Variants in MAP3K1 observed in about 807,000 individuals in gnomAD.
MAP3K1 encodes MAP/ERK kinase kinase 1.
MAP3K1 carries 36 observed loss-of-function variants against 144.2 expected under a neutral mutation model. The ratio of observed to expected loss-of-function variants is 0.25; its 90% CI spans 0.19 to 0.33. MAP3K1 has a LOEUF of 0.33. Among genes scored for constraint, MAP3K1 ranks in the 10% least tolerant of loss-of-function variants. The pLI is 1.00. For synonymous variants in MAP3K1, 718 were observed against 688.7 expected (o/e 1.04, Z -0.67); for missense variants, 1,650 against 1,881.9 (o/e 0.88, Z 2.28).
intron 3 of MAP3K1, among the ~76,000 whole-genome samples, chr5:56,860,881 C>T (rs921529401): frequency 9.2e-5 from 14 of 151,718 alleles, no homozygotes; most frequent in African/African-American, 2.9e-4. Context: ...AGAAAAGCAA[C>T]TTAAGTATTT....
At chr5:56,873,912 A>G (rs976591733) in intron 9 of MAP3K1, among the ~76,000 whole-genome samples, 16 of 152,206 alleles carry the variant, frequency 1.1e-4, no homozygotes, top group East Asian at 1.9e-4. Flanking sequence ...TTAATGAACT[A>G]TTAATGAACA....
chr5:56,815,813 T>C lies in MAP3K1; in HGVS notation c.240T>C (p.Leu80=). ...LDQLPEQPLF[L]AASPPASSTS... Reference sequence around the variant, plus strand: ...AGCTGCCTGAGCAGCCGCTCTTCCTTGCCGCCTCACCGCCGGCCTCCTCGA... The same window carrying C: ...AGCTGCCTGAGCAGCCGCTCTTCCTCGCCGCCTCACCGCCGGCCTCCTCGA... Residue 80 remains leucine, a synonymous_variant, in exon 1 of 20, where the codon CTT becomes CTC. Coordinates refer to ENST00000399503, the MANE Select transcript of MAP3K1 (RefSeq NM_005921.2). 8 of 1,422,454 alleles carry C rather than the reference T, an allele frequency of 5.6e-6. No homozygotes were observed. Among genetic ancestry groups the C allele is most frequent in the Non-Finnish European group, 7.4e-6 (8 of 1,084,982 alleles). 88.1% of individuals were successfully genotyped at this position (1,422,454 alleles called of 1,614,324 possible). A position where few individuals can be genotyped will look rare whatever the true frequency, so the allele number is the denominator to read the frequency against.
chr5:56,873,847 A>G (rs142798615), intron 9 of MAP3K1, among the ~76,000 whole-genome samples: 3 of 152,200 alleles, frequency 2.0e-5, no homozygotes, highest in Non-Finnish European at 2.9e-5. Context: ...TTATGAATCT[A>G]ATAAAATCTG....
In MAP3K1 at chr5:56,859,919, AGTTAAT is replaced by A. The variant is rs1351975927; in HGVS notation, c.834+9_834+14del. 6.2e-7 allele frequency: 1 copy of A among 1,602,696 alleles called. No individual in the cohort carries two copies. Among genetic ancestry groups the A allele is most frequent in the Non-Finnish European group, 8.5e-7 (1 of 1,172,092 alleles). ...AAAAAGAGTTTCCCCAGTGCCTGTA[AGTTAAT>A]GTTACAACAAATATGTTAGTTTTTA... is the stretch of plus-strand genomic sequence containing the variant. On this transcript the variant is annotated splice_donor_5th_base_variant and intron_variant, in intron 3 of 19. Coordinates refer to ENST00000399503, the MANE Select transcript of MAP3K1 (RefSeq NM_005921.2).
At chr5:56,878,526 A>G (rs1045644013) in intron 10 of MAP3K1, among the ~76,000 whole-genome samples, 4 of 152,128 alleles carry the variant, frequency 2.6e-5, no homozygotes, top group Non-Finnish European at 4.4e-5. Context: ...TTATTCTATA[A>G]AGAAGAGCTT....
Position 56,879,111 on chromosome 5 carries a change from T to TTTGAAGTG in MAP3K1, c.2087+10_2087+11insTTGAAGTG. 9 of 1,613,754 alleles carry TTTGAAGTG rather than the reference T, an allele frequency of 5.6e-6. No individual in the cohort carries two copies. The highest frequency in any genetic ancestry group is 5.9e-6 in the Non-Finnish European group (7 of 1,179,794). On this transcript the variant is annotated intron_variant, in intron 11 of 19. Transcript: ENST00000399503. ...GTGCAGATGCCAATAGGTAAGGCTT[T>TTTGAAGTG]ATTGATGAATCACTTCAAACCCTCT...
chr5:56,843,142 G>A (rs1324214268), intron 1 of MAP3K1, among the ~76,000 whole-genome samples: 5 of 152,134 alleles, frequency 3.3e-5, no homozygotes, highest in South Asian at 4.1e-4. Context: ...GATTTGATTC[G>A]TTTGGGTGGC....
chr5:56,857,537 A>G (rs889373197), intron 2 of MAP3K1, among the ~76,000 whole-genome samples: 2 of 152,220 alleles, frequency 1.3e-5, no homozygotes, highest in African/African-American at 4.8e-5. Context: ...AGCTTTGACA[A>G]GGGTCTAAAT....
chr5:56,861,006 G>A (rs529371085), intron 3 of MAP3K1, among the ~76,000 whole-genome samples: 1 of 152,272 alleles, frequency 6.6e-6, no homozygotes, highest in African/African-American at 2.4e-5. Flanking sequence ...TGATAAGATT[G>A]GTGATAACAA....
intron 1 of MAP3K1, among the ~76,000 whole-genome samples, chr5:56,854,306 G>T (rs374219541): frequency 3.9e-4 from 59 of 151,808 alleles, no homozygotes; most frequent in African/African-American, 1.4e-3. Flanking sequence ...GGTGGCACAT[G>T]CCTGTAATAC....
intron 17 of MAP3K1, among the ~76,000 whole-genome samples, chr5:56,887,176 T>C (rs1195640520): frequency 2.0e-5 from 3 of 152,250 alleles, no homozygotes; most frequent in Admixed American, 1.3e-4. Flanking sequence ...GCTCTAATTA[T>C]GAATTTAGCG....
intron 1 of MAP3K1, among the ~76,000 whole-genome samples, chr5:56,829,679 T>TA (rs1334965738): frequency 2.6e-5 from 4 of 152,224 alleles, no homozygotes; most frequent in Non-Finnish European, 5.9e-5. Context: ...TTGGGGCACT[T>TA]ACTCTGTGCT....
intron 1 of MAP3K1, among the ~76,000 whole-genome samples, chr5:56,839,773 G>T (rs1746756929): frequency 6.6e-6 from 1 of 152,182 alleles, no homozygotes; most frequent in African/African-American, 2.4e-5. Flanking sequence ...AGAGAATGTG[G>T]GTGTTTGTTA....
chr5:56,875,859 CA>C (rs1426921547), intron 10 of MAP3K1, among the ~76,000 whole-genome samples: 8 of 152,086 alleles, frequency 5.3e-5, no homozygotes, highest in Non-Finnish European at 8.8e-5. Context: ...ATGGCAGAGT[CA>C]TCAACGTTAT....
intron 1 of MAP3K1, among the ~76,000 whole-genome samples, chr5:56,844,190 T>G (rs1041382248): frequency 2.3e-5 from 3 of 132,788 alleles, no homozygotes; most frequent in Admixed American, 7.4e-5. Flanking sequence ...TTGGTTTTTT[T>G]TTTTTTTTTT....
At chr5:56,816,640 G>C (rs1745982187) in intron 1 of MAP3K1, among the ~76,000 whole-genome samples, 1 of 152,174 alleles carries the variant, frequency 6.6e-6, no homozygotes, top group Non-Finnish European at 1.5e-5. Flanking sequence ...CGCGGGCTGG[G>C]CCCGGACGCA....
chr5:56,820,920 T>A, intron 1 of MAP3K1: 1 of 433,994 alleles, frequency 2.3e-6, no homozygotes, highest in Non-Finnish European at 3.1e-6. Flanking sequence ...TATTTCTGCC[T>A]ATTTTCTGAT....
intron 1 of MAP3K1, among the ~76,000 whole-genome samples, chr5:56,828,887 T>G (rs1581209240): frequency 9.3e-5 from 1 of 10,772 alleles, no homozygotes. Context: ...TGCATCTTTT[T>G]TTTTTAAGTT....
intron 14 of MAP3K1, 78 bp from the exon 15 acceptor site, chr5:56,883,449 A>G: frequency 7.1e-7 from 1 of 1,410,270 alleles, no homozygotes; most frequent in Non-Finnish European, 1.0e-6. Flanking sequence ...AGACTGAATA[A>G]GAATAATATC....
Sources: allele counts gnomAD v4.1 joint callset (sites outside exome capture counted in the v4.1 genomes callset), GRCh38; gene constraint gnomAD v4.1.1; transcripts MANE v1.5; gene names NCBI Gene and HGNC (gene_info 2026-07-23, HGNC 2026-07-21).